CCDC178: variants seen among roughly 807,000 people sequenced by gnomAD.
The protein encoded by CCDC178 is coiled-coil domain containing 178, also known as coiled-coil domain-containing protein 178.
Under a neutral mutation model 117.4 loss-of-function variants are expected in CCDC178, and 126 were observed. That is an observed-to-expected ratio of 1.07 (90% CI 0.93 to 1.24). CCDC178 has a LOEUF of 1.24. Ranked by LOEUF, CCDC178 falls within the 50% of genes most tolerant of loss-of-function variation. The probability of loss-of-function intolerance (pLI) is 0.00; values close to 1 mark genes in which losing one functional copy is unlikely to be tolerated. For missense variants in CCDC178, 1,030 were observed against 986.9 expected (o/e 1.04, Z -0.59); for synonymous variants, 283 against 313.4 (o/e 0.90, Z 1.02).
chr18:33,059,763 T>G (rs985251825), intron 21 of CCDC178, among the ~76,000 whole-genome samples: 20 of 152,208 alleles, frequency 1.3e-4, no homozygotes, highest in African/African-American at 4.6e-4. Flanking sequence ...GTCCAAATCT[T>G]GCAGGTCCAT....
At chr18:33,179,788 C>G (rs895605827) in intron 20 of CCDC178, among the ~76,000 whole-genome samples, 1 of 151,988 alleles carries the variant, frequency 6.6e-6, no homozygotes, top group Non-Finnish European at 1.5e-5. Context: ...AATCTCAGAG[C>G]TGCATAATAG....
intron 2 of CCDC178, among the ~76,000 whole-genome samples, chr18:33,416,343 C>T (rs1479958559): frequency 3.3e-5 from 5 of 151,750 alleles, no homozygotes; most frequent in African/African-American, 1.2e-4. Flanking sequence ...AGGAGAATGG[C>T]GTGAACCCAG....
intron 11 of CCDC178, among the ~76,000 whole-genome samples, chr18:33,314,027 C>T (rs1446964350): frequency 6.7e-6 from 1 of 148,392 alleles, no homozygotes; most frequent in African/African-American, 2.5e-5. Flanking sequence ...GGTGAAATCC[C>T]GTCTCTACTA....
chr18:33,197,831 A>G (rs1412883919), intron 20 of CCDC178, among the ~76,000 whole-genome samples: 2 of 152,230 alleles, frequency 1.3e-5, no homozygotes, highest in Non-Finnish European at 2.9e-5. Context: ...GTCTTTTTCC[A>G]TAAAGTGTGT....
intron 3 of CCDC178, among the ~76,000 whole-genome samples, chr18:33,405,914 G>C (rs932504472): frequency 1.3e-5 from 2 of 152,032 alleles, no homozygotes; most frequent in Non-Finnish European, 2.9e-5. Flanking sequence ...TGTGGAGTGG[G>C]AGTATATGCA....
rs188633985 is a variant in CCDC178 at position 33,124,259 on chromosome 18, G to C, written c.2239-31349C>G. ...CTCCAACAAACTACAATGCACTATG[G>C]TTTTACAGCAACAGCCTTGGAACAA... On this transcript the variant is annotated intron_variant, in intron 20 of 22. Transcript: ENST00000383096. Among the ~76,000 whole-genome samples, 184 of 152,240 alleles carry C rather than the reference G, an allele frequency of 1.2e-3. 1 individual carries two copies. The highest frequency in any genetic ancestry group is 4.1e-3 in the African/African-American group (170 of 41,552).
intron 21 of CCDC178, among the ~76,000 whole-genome samples, chr18:33,029,111 C>T (rs1003014081): frequency 1.3e-5 from 2 of 151,832 alleles, no homozygotes; most frequent in Non-Finnish European, 2.9e-5. Context: ...CCTCTTAAAA[C>T]CTGTGGTAAA....
chr18:33,094,088 GATTT>G (rs1173641791), intron 20 of CCDC178, among the ~76,000 whole-genome samples: 9 of 152,102 alleles, frequency 5.9e-5, no homozygotes, highest in Middle Eastern at 3.4e-3. Context: ...CACACTTGAA[GATTT>G]ATTAAAGTCA....
chr18:32,943,674 G>A (rs907678818), intron 22 of CCDC178, among the ~76,000 whole-genome samples: 4 of 152,138 alleles, frequency 2.6e-5, no homozygotes, highest in African/African-American at 9.7e-5. Flanking sequence ...GGCAAAACAT[G>A]TTGTAAACAC....
At chr18:33,372,086 A>G (rs1018951229) in intron 5 of CCDC178, among the ~76,000 whole-genome samples, 1 of 152,080 alleles carries the variant, frequency 6.6e-6, no homozygotes, top group Non-Finnish European at 1.5e-5. Flanking sequence ...AATAATTTCC[A>G]TAGCACTCCT....
intron 21 of CCDC178, among the ~76,000 whole-genome samples, chr18:32,999,846 C>G (rs1318881699): frequency 6.6e-6 from 1 of 151,992 alleles, no homozygotes; most frequent in East Asian, 1.9e-4. Context: ...ATGTCCAAGT[C>G]CATTCAAATG....
At chr18:33,422,816 A>C (rs1296051272) in intron 2 of CCDC178, among the ~76,000 whole-genome samples, 1 of 152,194 alleles carries the variant, frequency 6.6e-6, no homozygotes, top group Non-Finnish European at 1.5e-5. Flanking sequence ...ATAATCCTAC[A>C]GATTTGCCTG....
chr18:32,942,804 A>G (rs113458018), intron 22 of CCDC178, among the ~76,000 whole-genome samples: 3 of 152,204 alleles, frequency 2.0e-5, no homozygotes, highest in African/African-American at 7.2e-5. Flanking sequence ...AGTAAGAGAC[A>G]TGACTTTTCC....
intron 20 of CCDC178, among the ~76,000 whole-genome samples, chr18:33,142,062 A>G (rs894350208): frequency 6.6e-6 from 1 of 152,182 alleles, no homozygotes; most frequent in Non-Finnish European, 1.5e-5. Context: ...TCTTTAAACT[A>G]TAGTTAAATA....
At chr18:32,941,870 A>G (rs1260614736) in intron 22 of CCDC178, among the ~76,000 whole-genome samples, 1 of 152,142 alleles carries the variant, frequency 6.6e-6, no homozygotes, top group African/African-American at 2.4e-5. Context: ...CAAGGAATAA[A>G]CTTCCAGTAG....
At chr18:33,355,178 C>T (rs1280840991) in intron 7 of CCDC178, among the ~76,000 whole-genome samples, 3 of 152,096 alleles carry the variant, frequency 2.0e-5, no homozygotes, top group Non-Finnish European at 2.9e-5. Context: ...GAAAATTGGA[C>T]ATTTTGAATA....
rs1318237630 is a variant in CCDC178, at chr18:33,385,829, T to C, written c.208+3711A>G. ...ACAAAGAGCAAACAAACTCCAGAGC[T>C]AGCAGAAGACTAGACATCACCAAGC... is the stretch of plus-strand genomic sequence containing the variant. On this transcript the variant is annotated intron_variant, in intron 5 of 22. Transcript: ENST00000383096. Among the ~76,000 whole-genome samples the C allele has an allele frequency of 2.0e-5, 3 of 152,218 alleles. No homozygotes were observed. In the East Asian group the frequency reaches 5.8e-4, roughly 29 times the overall value.
chr18:32,990,653 C>T (rs1486202885), intron 21 of CCDC178, among the ~76,000 whole-genome samples: 3 of 152,004 alleles, frequency 2.0e-5, no homozygotes, highest in South Asian at 2.1e-4. Context: ...AAGAAAATGT[C>T]TTCAAATACA....
At chr18:33,109,947 A>T (rs1343010506) in intron 20 of CCDC178, among the ~76,000 whole-genome samples, 1 of 151,558 alleles carries the variant, frequency 6.6e-6, no homozygotes, top group Non-Finnish European at 1.5e-5. Flanking sequence ...ATTTTGCTGC[A>T]CATGTGCTCT....
Sources: gnomAD v4.1 joint callset for allele counts (sites outside exome capture counted in the v4.1 genomes callset) on GRCh38, gnomAD v4.1.1 for gene constraint, MANE v1.5 for transcripts, NCBI Gene and HGNC (gene_info 2026-07-23, HGNC 2026-07-21) for gene names.